GSE1: variants seen among roughly 807,000 people sequenced by gnomAD.
GSE1 encodes the protein Gse1 coiled-coil protein, also known as genetic suppressor element 1.
Under a neutral mutation model 112.6 loss-of-function variants are expected in GSE1, and 32 were observed. The ratio of observed to expected loss-of-function variants is 0.28; its 90% CI spans 0.21 to 0.38. The LOEUF (loss-of-function observed/expected upper bound fraction) is 0.38. Among genes scored for constraint, GSE1 ranks in the 10% least tolerant of loss-of-function variants. The pLI, the probability that GSE1 is intolerant of heterozygous loss-of-function variation, is 1.00. For missense variants in GSE1, 2,348 were observed against 1,699.2 expected, an observed-to-expected ratio of 1.38 and a Z score of -6.71; for synonymous variants, 1,115 against 735.6, an observed-to-expected ratio of 1.52 and a Z score of -8.35.
chr16:85,648,427 T>C (rs1318828821), intron 2 of GSE1, 125 bp from the exon 3 acceptor site: 2 of 600,272 alleles, frequency 3.3e-6, no homozygotes, highest in Non-Finnish European at 5.9e-6. Context: ...CCCATGAGGC[T>C]GGTAGACCTG....
intron 1 of GSE1, among the ~76,000 whole-genome samples, chr16:85,623,422 G>A (rs2048865441): frequency 2.0e-5 from 3 of 152,082 alleles, no homozygotes; most frequent in Admixed American, 1.3e-4. Context: ...GGTACTGACA[G>A]GGAAACTGAG....
At chr16:85,246,507 C>CCCCCCCCCT (rs1905846263) in intron 1 of GSE1, among the ~76,000 whole-genome samples, 1 of 97,096 alleles carries the variant, frequency 1.0e-5, no homozygotes, top group African/African-American at 3.4e-5. Context: ...CACACCCCCC[C>CCCCCCCCCT]CCCCCCGACG....
chr16:85,170,243 C>T, exon 1 of GSE1: 3 of 985,516 alleles, frequency 3.0e-6, no homozygotes, highest in Non-Finnish European at 2.4e-6. Flanking sequence ...GGGCTCCCCG[C>T]GAAGGCCCAC....
intron 2 of GSE1, among the ~76,000 whole-genome samples, chr16:85,459,677 G>T (rs946103862): frequency 6.6e-6 from 1 of 152,204 alleles, no homozygotes; most frequent in Admixed American, 6.5e-5. Context: ...AGGACTCCAC[G>T]GAGTCACTGA....
chr16:85,333,898 C>T (rs567060870), intron 1 of GSE1, among the ~76,000 whole-genome samples: 19 of 152,352 alleles, frequency 1.2e-4, no homozygotes, highest in Admixed American at 6.5e-4. Flanking sequence ...TCTGCCTGGA[C>T]GCTGTTGACA....
intron 2 of GSE1, among the ~76,000 whole-genome samples, chr16:85,418,019 A>G (rs2048743238): frequency 6.6e-6 from 1 of 152,056 alleles, no homozygotes; most frequent in Admixed American, 6.5e-5. Flanking sequence ...TTGTATTTTT[A>G]GTAGAGATGG....
intron 1 of GSE1, among the ~76,000 whole-genome samples, chr16:85,227,284 A>G (rs1001811730): frequency 6.6e-6 from 1 of 152,226 alleles, no homozygotes; most frequent in Non-Finnish European, 1.5e-5. Context: ...GAAGATGGTT[A>G]GTCATCCTGC....
At chr16:85,534,128 C>CTTT (rs71151302) in intron 2 of GSE1, among the ~76,000 whole-genome samples, 74 of 148,768 alleles carry the variant, frequency 5.0e-4, no homozygotes, top group East Asian at 1.6e-3. Context: ...TTTCTTCTTC[C>CTTT]TTTTTTTTTT....
At chr16:85,653,497 C>T (rs1475477296) in intron 3 of GSE1, among the ~76,000 whole-genome samples, 2 of 151,190 alleles carry the variant, frequency 1.3e-5, no homozygotes, top group Admixed American at 1.3e-4. Context: ...CCACTGCCTC[C>T]TCCTGCTTTG....
At chr16:85,568,923 A>T (rs947217164) in intron 1 of GSE1, among the ~76,000 whole-genome samples, 1 of 151,730 alleles carries the variant, frequency 6.6e-6, no homozygotes, top group Non-Finnish European at 1.5e-5. Flanking sequence ...CTCTGCCTCT[A>T]CTCCCCTCTT....
upstream of GSE1, among the ~76,000 whole-genome samples, chr16:85,554,634 C>T (rs575610686): frequency 1.3e-4 from 20 of 152,306 alleles, no homozygotes; most frequent in South Asian, 3.9e-3. Flanking sequence ...AGGAGCTCAC[C>T]AGGGCCGGCC....
chr16:85,293,023 A>G (rs1303621094), intron 1 of GSE1, among the ~76,000 whole-genome samples: 3 of 152,172 alleles, frequency 2.0e-5, no homozygotes, highest in Non-Finnish European at 4.4e-5. Context: ...ACAAGCGTGT[A>G]CGGTTGTGTG....
chr16:85,247,674 T>A (rs1906010183), intron 1 of GSE1, among the ~76,000 whole-genome samples: 1 of 152,240 alleles, frequency 6.6e-6, no homozygotes, highest in East Asian at 1.9e-4. Flanking sequence ...CCCGGCCAGC[T>A]GGCCCTGGGC....
At chr16:85,552,795 C>G (rs532524990), upstream of GSE1, among the ~76,000 whole-genome samples, 1 of 152,338 alleles carries the variant, frequency 6.6e-6, no homozygotes, top group African/African-American at 2.4e-5. Flanking sequence ...GGGGGGCACC[C>G]AGCAGATTGG....
Position 85,521,123 on chromosome 16 carries a change from G to A in GSE1, c.2465-112791G>A, listed in dbSNP as rs868577958. ...ACCCTGACCTCCGGGCTGCACCTCCGTCTTGACTAGTGCTGGGAGGCCTTG... is the reference window on the plus strand; with the variant it reads ...ACCCTGACCTCCGGGCTGCACCTCCATCTTGACTAGTGCTGGGAGGCCTTG... On this transcript the variant is annotated intron_variant, in intron 2 of 2. Coordinates refer to the GSE1 transcript ENST00000637419. Among the ~76,000 whole-genome samples, 22 of 152,040 alleles carry A rather than the reference G, an allele frequency of 1.4e-4. No homozygotes were observed. In the Middle Eastern group the frequency reaches 0.014, roughly 94 times the overall value.
Position 85,663,503 on chromosome 16 carries a change from C to G in GSE1, c.2533C>G (p.Leu845Val). ...GCAGACGCCTTCACCGAGACTGGCGCTGTCTACCCGCTACAGCCCTGATGA... is the reference window on the plus strand; with the variant it reads ...GCAGACGCCTTCACCGAGACTGGCGGTGTCTACCCGCTACAGCCCTGATGA... ...KRQTPSPRLA[L>V]STRYSPDEMN... The change falls in exon 11 of 16, where the codon CTG becomes GTG. Residue 845 changes from leucine (L) to valine (V), a missense_variant. By Grantham distance (32) the Leu-to-Val change is conservative (BLOSUM62 1). Coordinates refer to ENST00000253458, the MANE Select transcript of GSE1 (RefSeq NM_014615.5). The G allele has an allele frequency of 1.2e-6, 2 of 1,613,960 alleles. No homozygotes were observed. The highest frequency in any genetic ancestry group is 1.7e-6 in the Non-Finnish European group (2 of 1,180,036).
At chr16:85,287,965 C>T (rs1401197363) in intron 1 of GSE1, among the ~76,000 whole-genome samples, 1 of 152,236 alleles carries the variant, frequency 6.6e-6, no homozygotes, top group Non-Finnish European at 1.5e-5. Context: ...ATTGGCCGGG[C>T]ACGGTGGCTC....
At chr16:85,221,968 A>G (rs1567619421) in intron 1 of GSE1, among the ~76,000 whole-genome samples, 1 of 152,028 alleles carries the variant, frequency 6.6e-6, no homozygotes, top group Non-Finnish European at 1.5e-5. Context: ...ACCGGTGACC[A>G]GGTGGGCTGG....
intron 2 of GSE1, among the ~76,000 whole-genome samples, chr16:85,452,911 C>T (rs1288053529): frequency 2.8e-5 from 4 of 142,416 alleles, no homozygotes; most frequent in East Asian, 1.9e-4. Context: ...GGTGGTCGCT[C>T]GGTGCCTCCA....
Sources: allele counts gnomAD v4.1 joint callset (sites outside exome capture counted in the v4.1 genomes callset), GRCh38; gene constraint gnomAD v4.1.1; transcripts MANE v1.5; gene names NCBI Gene and HGNC (gene_info 2026-07-23, HGNC 2026-07-21).